The following NT5E variants were observed in gnomAD, a reference collection of about 807,000 sequenced individuals.
NT5E encodes the protein 5'-nucleotidase.
In NT5E, 53 loss-of-function variants were observed where a neutral mutation model predicts 55.1. The observed-to-expected ratio is 0.96, with a 90% confidence interval of 0.77 to 1.21. The LOEUF (loss-of-function observed/expected upper bound fraction) is 1.21. NT5E is among the 50% of genes most tolerant of loss of function. The pLI is 0.00. For missense variants in NT5E, 683 were observed against 724.3 expected (o/e 0.94, Z 0.65); for synonymous variants, 270 against 278.4 (o/e 0.97, Z 0.30).
In NT5E at chr6:85,450,210, CT is replaced by C; in HGVS notation, c.72del (p.Gly25AlafsTer81). The C allele has an allele frequency of 1.2e-6, 2 of 1,608,902 alleles. No homozygotes were observed. The highest frequency in any genetic ancestry group is 1.7e-6 in the Non-Finnish European group (2 of 1,178,828). On this transcript the variant is annotated frameshift_variant, in exon 1 of 9. Coordinates refer to ENST00000257770, the MANE Select transcript of NT5E (RefSeq NM_002526.4). LOFTEE classifies it high-confidence loss of function. The surrounding 1 kb of genome is among the most constrained non-coding windows in gnomAD (Gnocchi z 4.0). The stretch of plus-strand genomic sequence containing the variant: ...CTGGGCGCGGTGCTGTGGCCTGCGG[CT>C]GGCGCCTGGGAGCTTACGATTTTGC... The part of the protein sequence containing the change: ...LALGAVLWPA[A>X]GAWELTILHT...
intron 2 of NT5E, among the ~76,000 whole-genome samples, chr6:85,468,483 A>G (rs187279943): frequency 9.4e-4 from 143 of 152,350 alleles, no homozygotes; most frequent in African/African-American, 3.2e-3. Flanking sequence ...ACAAGCTAGG[A>G]TGCAGGCTCC....
chr6:85,489,010 C>T (rs1234592668), intron 5 of NT5E, among the ~76,000 whole-genome samples: 1 of 151,952 alleles, frequency 6.6e-6, no homozygotes, highest in Non-Finnish European at 1.5e-5. Flanking sequence ...CTTCAAAAGG[C>T]TGTCTCTGTC....
intron 6 of NT5E, 145 bp from the exon 7 acceptor site, chr6:85,490,363 A>C (rs1337067197): frequency 1.1e-6 from 1 of 941,278 alleles, no homozygotes; most frequent in African/African-American, 1.6e-5. Context: ...CCTCAGTGTC[A>C]GGAACCACTT....
At chr6:85,455,604 G>A (rs963406906) in intron 1 of NT5E, among the ~76,000 whole-genome samples, 2 of 152,166 alleles carry the variant, frequency 1.3e-5, no homozygotes, top group Admixed American at 6.5e-5. Flanking sequence ...AGTGAGTTCT[G>A]TAAGCTGTCC....
chr6:85,470,085 G>A (rs1445639876), intron 2 of NT5E, among the ~76,000 whole-genome samples: 1 of 152,184 alleles, frequency 6.6e-6, no homozygotes, highest in Non-Finnish European at 1.5e-5. Flanking sequence ...AGAAATCAGT[G>A]TAAGAACGTC....
chr6:85,471,658 TAATA>T (rs2127721320), intron 3 of NT5E: 1 of 193,860 alleles, frequency 5.2e-6, no homozygotes, highest in Admixed American at 5.8e-5. Flanking sequence ...TTTATGTATA[TAATA>T]AATATATAAG....
chr6:85,482,935 A>G (rs2127723783), intron 3 of NT5E, among the ~76,000 whole-genome samples: 1 of 152,328 alleles, frequency 6.6e-6, no homozygotes, highest in South Asian at 2.1e-4. Context: ...CTATCGCCCC[A>G]GCTGCATGGA....
chr6:85,461,979 A>T lies in NT5E; in HGVS notation c.340-5081A>T, dbSNP rs527484029. Among the ~76,000 whole-genome samples, 6 of 152,172 alleles carry T rather than the reference A, an allele frequency of 3.9e-5. No individual in the cohort carries two copies. In the East Asian group the frequency reaches 1.2e-3, roughly 29 times the overall value. On this transcript the variant is annotated intron_variant, in intron 1 of 8. Coordinates refer to ENST00000257770, the MANE Select transcript of NT5E (RefSeq NM_002526.4). Reference sequence around the variant, plus strand: ...CGCTGTGAGTGAGGTACTTGTGAGGATGCATATGGTTCCTGTTGGAAATGC... The same window carrying T: ...CGCTGTGAGTGAGGTACTTGTGAGGTTGCATATGGTTCCTGTTGGAAATGC...
intron 2 of NT5E, 102 bp from the exon 3 acceptor site, chr6:85,471,135 T>C: frequency 1.3e-6 from 1 of 748,542 alleles, no homozygotes. Flanking sequence ...ACTCTTGAGC[T>C]TTAGTAAATT....
chr6:85,454,351 T>A lies in NT5E; in HGVS notation c.339+3873T>A, dbSNP rs190421023. ...TAAATTTCTATATTTTACCTATATA[T>A]CATGGCAGTATCCAGCTTTATTGTA... On this transcript the variant is annotated intron_variant, in intron 1 of 8. Coordinates refer to ENST00000257770, the MANE Select transcript of NT5E (RefSeq NM_002526.4). Among the ~76,000 whole-genome samples the A allele has an allele frequency of 1.8e-3, 270 of 152,348 alleles. 1 individual carries two copies. Among genetic ancestry groups the A allele is most frequent in the African/African-American group, 5.9e-3 (247 of 41,584 alleles).
rs747405411 is a variant in NT5E at position 85,494,002 on chromosome 6, T to C, written c.1723T>C (p.Ter575GlnextTer10). Residue 575 changes from the stop codon to glutamine, a stop_lost, in exon 9 of 9, where the codon TAG (stop) becomes CAG (glutamine). Transcript: ENST00000257770. ...LWAVIFVLYQ[*>Q] ...GGCAGTGATCTTTGTTTTATACCAA[T>C]AGCCAAAAATTCTCCTTGCCTTTAA... 5 of 1,613,764 alleles carry C rather than the reference T, an allele frequency of 3.1e-6. No individual in the cohort carries two copies. The highest frequency in any genetic ancestry group is 4.2e-6 in the Non-Finnish European group (5 of 1,179,922).
At chr6:85,459,903 G>C (rs567570071) in intron 1 of NT5E, among the ~76,000 whole-genome samples, 1 of 152,310 alleles carries the variant, frequency 6.6e-6, no homozygotes, top group African/African-American at 2.4e-5. Context: ...CTGAATCCAA[G>C]TTTCTTGTTT....
At chr6:85,458,081 A>T (rs1769022253) in intron 1 of NT5E, among the ~76,000 whole-genome samples, 1 of 152,240 alleles carries the variant, frequency 6.6e-6, no homozygotes, top group Admixed American at 6.5e-5. Context: ...AAGAAGAGAG[A>T]CAAGTGCTTA....
rs114457634 is a variant in NT5E at position 85,455,516 on chromosome 6, C to T, written c.339+5038C>T. Among the ~76,000 whole-genome samples the T allele has an allele frequency of 2.9e-3, 442 of 152,328 alleles. 4 individuals carry two copies. Among genetic ancestry groups the T allele is most frequent in the African/African-American group, 0.01 (421 of 41,584 alleles). ...GGTAGGGCATGAAAGCTCCGCATTG[C>T]CCCCATATCTTGGCCTATCCATTCT... On this transcript the variant is annotated intron_variant, in intron 1 of 8. Coordinates refer to ENST00000257770, the MANE Select transcript of NT5E (RefSeq NM_002526.4).
At chr6:85,455,320 A>G (rs1768966382) in intron 1 of NT5E, among the ~76,000 whole-genome samples, 2 of 152,240 alleles carry the variant, frequency 1.3e-5, no homozygotes, top group Non-Finnish European at 2.9e-5. Flanking sequence ...ACCAGTCACC[A>G]GCAAGTCCAA....
chr6:85,492,758 C>T (rs1266378439), intron 8 of NT5E, among the ~76,000 whole-genome samples: 1 of 152,206 alleles, frequency 6.6e-6, no homozygotes, highest in African/African-American at 2.4e-5. Flanking sequence ...AGACCACTGA[C>T]ATAGGACACA....
chr6:85,452,646 G>A (rs970746647), intron 1 of NT5E, among the ~76,000 whole-genome samples: 16 of 152,254 alleles, frequency 1.1e-4, no homozygotes, highest in Admixed American at 9.8e-4. Flanking sequence ...TGTGCAGTTT[G>A]GGGGTGTGTC....
At chr6:85,478,667 G>A (rs1426539130) in intron 3 of NT5E, among the ~76,000 whole-genome samples, 1 of 151,800 alleles carries the variant, frequency 6.6e-6, no homozygotes, top group Non-Finnish European at 1.5e-5. Context: ...GAGATTAAGT[G>A]AGATAATATA....
chr6:85,471,417 T>G lies in NT5E; in HGVS notation c.743T>G (p.Leu248Arg). ...VVVGGHSNTF[L>R]YTGNPPSKEV... The stretch of plus-strand genomic sequence containing the variant: ...GTGGGAGGACACTCCAACACATTTC[T>G]TTACACAGGTAATTGTTTCAAAAGG... Residue 248 changes from leucine to arginine, a missense_variant, in exon 3 of 9, where the codon CTT becomes CGT. Transcript: ENST00000257770. 6.2e-7 allele frequency: 1 copy of G among 1,612,324 alleles called. No homozygotes were observed. The highest frequency in any genetic ancestry group is 2.2e-5 in the East Asian group (1 of 44,850).
Sources: gnomAD v4.1 joint callset for allele counts (sites outside exome capture counted in the v4.1 genomes callset) on GRCh38, gnomAD v4.1.1 for gene constraint, Gnocchi (gnomAD v3.1) non-coding constraint, MANE v1.5 for transcripts, NCBI Gene and HGNC (gene_info 2026-07-23, HGNC 2026-07-21) for gene names.